SGCA: variants seen among roughly 807,000 people sequenced by gnomAD.
The protein encoded by SGCA is sarcoglycan alpha, also known as alpha-sarcoglycan.
SGCA carries 34 observed loss-of-function variants against 38.1 expected under a neutral mutation model. The observed-to-expected ratio is 0.89, with a 90% CI of 0.68 to 1.19. SGCA has a LOEUF of 1.19. Among genes scored for constraint, SGCA ranks in the 50% most tolerant of loss-of-function variants. SGCA has a pLI of 0.00. For missense variants in SGCA, 476 were observed against 524.9 expected (o/e 0.91, Z 0.91); for synonymous variants, 209 against 214.6 (o/e 0.97, Z 0.23).
chr17:50,167,259 G>C lies in SGCA; in HGVS notation c.38-109G>C. 1 of 1,504,002 alleles carries C rather than the reference G, an allele frequency of 6.6e-7. No individual in the cohort carries two copies. The highest frequency in any genetic ancestry group is 9.1e-7 in the Non-Finnish European group (1 of 1,097,066). 93.2% of individuals were successfully genotyped at this position (1,504,002 alleles called of 1,614,324 possible). On this transcript the variant is annotated intron_variant, in intron 1 of 9. Coordinates refer to ENST00000262018, the MANE Select transcript of SGCA (RefSeq NM_000023.4). This position sits in a 1 kb window ranked among gnomAD's most constrained non-coding sequence, Gnocchi z 4.5. ...CTTCCTGGGAGGCAGCAAAGGAAGCGCTTCTCTCGGTCCCTTAGGGGCTCC... is the reference window on the plus strand; with the variant it reads ...CTTCCTGGGAGGCAGCAAAGGAAGCCCTTCTCTCGGTCCCTTAGGGGCTCC...
chr17:50,172,459 G>A (rs1471998259), intron 8 of SGCA: 2 of 348,970 alleles, frequency 5.7e-6, no homozygotes, highest in East Asian at 1.5e-4. Context: ...ATGTGTGTGT[G>A]CACATGCCTG....
intron 9 of SGCA, 113 bp from the exon 10 acceptor site, chr17:50,175,599 C>A: frequency 1.3e-6 from 1 of 747,734 alleles, no homozygotes; most frequent in Admixed American, 2.0e-5. Context: ...GGGTCCTCAC[C>A]AGTGCCAGGG....
At chr17:50,168,702 C>G in intron 5 of SGCA, 130 bp downstream of exon 5, 1 of 803,064 alleles carries the variant, frequency 1.2e-6, no homozygotes, top group Non-Finnish European at 2.1e-6. Flanking sequence ...CTTCACACCC[C>G]TCACCACTCT....
Position 50,174,313 on chromosome 17 carries a change from C to T in SGCA, c.984-944C>T, listed in dbSNP as rs144829518. Among the ~76,000 whole-genome samples the T allele has an allele frequency of 2.7e-3, 403 of 152,034 alleles. 3 individuals carry two copies. The highest frequency in any genetic ancestry group is 9.1e-3 in the African/African-American group (376 of 41,442). ...TGAAGTTGGCGACAAAGTGAGACCCCATCTCTTAAAAATAAATAAATAATA... is the reference window on the plus strand; with the variant it reads ...TGAAGTTGGCGACAAAGTGAGACCCTATCTCTTAAAAATAAATAAATAATA... On this transcript the variant is annotated intron_variant, in intron 8 of 9. Transcript: ENST00000262018.
intron 8 of SGCA, among the ~76,000 whole-genome samples, chr17:50,173,562 G>T (rs1905655624): frequency 6.6e-6 from 1 of 152,214 alleles, no homozygotes; most frequent in South Asian, 2.1e-4. Context: ...CCTGTGTGTT[G>T]CCAGAGTAAT....
chr17:50,168,723 T>A, intron 5 of SGCA, 151 bp downstream of exon 5: 1 of 741,972 alleles, frequency 1.3e-6, no homozygotes, highest in Non-Finnish European at 2.3e-6. Context: ...CCTCTGGCTA[T>A]ACCCGCATCT....
Position 50,170,208 on chromosome 17 carries a change from T to C in SGCA, c.813T>C (p.His271=). The C allele has an allele frequency of 6.2e-7, 1 of 1,614,130 alleles. No individual in the cohort carries two copies. The highest frequency in any genetic ancestry group is 8.5e-7 in the Non-Finnish European group (1 of 1,180,014). The change falls in exon 7 of 10, where the codon CAT becomes CAC. Residue 271 remains histidine, a synonymous_variant. Transcript: ENST00000262018. ...VPTPGDGILE[H]DPFFCPPTEA... ...CCCCAGGTGATGGGATCCTGGAGCA[T>C]GACCCGTTCTTCTGCCCACCCACTG...
At position 50,175,756 on chromosome 17, in the gene SGCA, C is replaced by T. The variant is rs113535280; in HGVS notation, c.*57C>T. On this transcript the variant is annotated 3_prime_UTR_variant, in exon 10 of 10. Coordinates refer to ENST00000262018, the MANE Select transcript of SGCA (RefSeq NM_000023.4). Reference sequence around the variant, plus strand: ...GACTTCATCCTCCCTTCTCTGTCCACACCACGAGTGGCACATCCCACCTGC... The same window carrying T: ...GACTTCATCCTCCCTTCTCTGTCCATACCACGAGTGGCACATCCCACCTGC... 2.9e-4 allele frequency: 164 copies of T among 563,894 alleles called. 2 individuals carry two copies. Among genetic ancestry groups the T allele is most frequent in the African/African-American group, 2.8e-3 (150 of 54,024 alleles). 34.9% of individuals were successfully genotyped at this position (563,894 alleles called of 1,614,324 possible). A position where few individuals can be genotyped will look rare whatever the true frequency, so the allele number is the denominator to read the frequency against.
intron 8 of SGCA, chr17:50,171,790 G>T (rs776378396): frequency 6.6e-6 from 3 of 456,646 alleles, no homozygotes; most frequent in African/African-American, 4.0e-5. Context: ...CCATGTCGTA[G>T]CCCGTGGTGG....
At position 50,168,588 on chromosome 17, in the gene SGCA, T is replaced by C. The variant is rs1054945327; in HGVS notation, c.584+16T>C. On this transcript the variant is annotated intron_variant, in intron 5 of 9. Transcript: ENST00000262018. Reference sequence around the variant, plus strand: ...GAAAAGAAGGGTAGGTGTGCAACCCTAGAGGACTTCCTGAAAGAGGAGGAT... The same window carrying C: ...GAAAAGAAGGGTAGGTGTGCAACCCCAGAGGACTTCCTGAAAGAGGAGGAT... 3 of 1,552,386 alleles carry C rather than the reference T, an allele frequency of 1.9e-6. No homozygotes were observed. In the African/African-American group the frequency reaches 4.1e-5, roughly 21 times the overall value.
intron 4 of SGCA, 30 bp from the exon 5 acceptor site, chr17:50,168,344 C>T (rs895058325): frequency 1.3e-6 from 2 of 1,543,012 alleles, no homozygotes; most frequent in South Asian, 2.4e-5. Context: ...GGGCTGGGTG[C>T]AGCCTGAGGT....
intron 8 of SGCA, among the ~76,000 whole-genome samples, chr17:50,170,899 A>C (rs1464751126): frequency 1.3e-5 from 2 of 151,854 alleles, no homozygotes; most frequent in African/African-American, 2.4e-5. Flanking sequence ...ATCTCAACAA[A>C]AAAAAAATTT....
At position 50,166,059 on chromosome 17, in the gene SGCA, T is replaced by G. The variant is rs749990267; in HGVS notation, c.19T>G (p.Trp7Gly). 4 of 1,613,824 alleles carry G rather than the reference T, an allele frequency of 2.5e-6. No individual in the cohort carries two copies. In the South Asian group the frequency reaches 4.4e-5, roughly 18 times the overall value. The stretch of plus-strand genomic sequence containing the variant: ...GGCAGCCATGGCTGAGACACTCTTC[T>G]GGACTCCTCTCCTCGTGGGCAAGTT... MAETLF[W>G]TPLLVVLLAG... Residue 7 changes from tryptophan to glycine, a missense_variant, in exon 1 of 10, where the codon TGG becomes GGG. Coordinates refer to ENST00000262018, the MANE Select transcript of SGCA (RefSeq NM_000023.4).
chr17:50,167,576 C>T lies in SGCA; in HGVS notation c.158-6C>T. 6.2e-7 allele frequency: 1 copy of T among 1,613,548 alleles called. No homozygotes were observed. Among genetic ancestry groups the T allele is most frequent in the Non-Finnish European group, 8.5e-7 (1 of 1,180,018 alleles). On this transcript the variant is annotated splice_polypyrimidine_tract_variant and splice_region_variant and intron_variant, in intron 2 of 9. Transcript: ENST00000262018. The surrounding 1 kb of genome is among the most constrained non-coding windows in gnomAD (Gnocchi z 4.5). The stretch of plus-strand genomic sequence containing the variant: ...GACTCGAATCCCCTCTCCTCGCTTC[C>T]ACCAGCTGTCCCACCCGCTGTCCAC...
rs1195288570 is a variant in SGCA at position 50,166,731 on chromosome 17, ACACACCC to A, written c.38-636_38-630del. Among the ~76,000 whole-genome samples, 269 of 99,896 alleles carry A rather than the reference ACACACCC, an allele frequency of 2.7e-3. 4 individuals are homozygous for A. Among genetic ancestry groups the A allele is most frequent in the African/African-American group, 0.011 (246 of 21,652 alleles). The allele number at this position is 99,896 out of a possible 152,430, so 65.5% of individuals were successfully genotyped here. On this transcript the variant is annotated intron_variant, in intron 1 of 9. Transcript: ENST00000262018. ...GGCACCCTCACACACACACCCTCACACACACCCTCACACACCCTCACACACCCTCACA... is the reference window on the plus strand; with the variant it reads ...GGCACCCTCACACACACACCCTCACATCACACACCCTCACACACCCTCACA...
intron 6 of SGCA, 21 bp from the exon 7 acceptor site, chr17:50,170,122 A>C: frequency 6.2e-7 from 1 of 1,610,778 alleles, no homozygotes; most frequent in Non-Finnish European, 8.5e-7. Context: ...TTCCTGCGTC[A>C]GCCCTGAGCT....
At chr17:50,168,975 C>A in intron 5 of SGCA, 117 bp from the exon 6 acceptor site, 1 of 952,450 alleles carries the variant, frequency 1.0e-6, no homozygotes, top group Non-Finnish European at 1.7e-6. Context: ...AGGCGTCTCC[C>A]TCATCCCATC....
chr17:50,168,563 GA>G lies in SGCA; in HGVS notation c.579del (p.Glu194LysfsTer17). 2 of 1,565,258 alleles carry G rather than the reference GA, an allele frequency of 1.3e-6. No individual in the cohort carries two copies. The highest frequency in any genetic ancestry group is 1.2e-5 in the South Asian group (1 of 85,082). The part of the protein sequence containing the change: ...GGRVPLPIEG[R>X]KEGVYIKVGS... ...CGTGTCCCCCTTCCCATTGAGGGCC[GA>G]AAAGAAGGGTAGGTGTGCAACCCTA... On this transcript the variant is annotated frameshift_variant, in exon 5 of 10. Transcript: ENST00000262018. LOFTEE classifies it high-confidence loss of function.
intron 8 of SGCA, among the ~76,000 whole-genome samples, chr17:50,174,804 C>CT (rs966921324): frequency 2.6e-5 from 4 of 151,830 alleles, no homozygotes; most frequent in Admixed American, 6.6e-5. Context: ...ATAGAGCTTT[C>CT]TTTTTTTTGT....
Sources: gnomAD v4.1 joint callset for allele counts (sites outside exome capture counted in the v4.1 genomes callset) on GRCh38, gnomAD v4.1.1 for gene constraint, Gnocchi (gnomAD v3.1) non-coding constraint, MANE v1.5 for transcripts, NCBI Gene and HGNC (gene_info 2026-07-23, HGNC 2026-07-21) for gene names.